CENPE: variants seen among roughly 807,000 people sequenced by gnomAD.
CENPE encodes centromere-associated protein E.
A neutral mutation model predicts 336.1 loss-of-function variants in CENPE; 145 were observed. The ratio of observed to expected loss-of-function variants is 0.43; its 90% confidence interval spans 0.38 to 0.50. CENPE has a LOEUF of 0.50. Among genes scored for constraint, CENPE ranks in the 20% least tolerant of loss-of-function variants. The pLI is 0.00. For synonymous variants in CENPE, 1,013 were observed against 984.8 expected (o/e 1.03, Z -0.54); for missense variants, 2,719 against 3,023.3 (o/e 0.90, Z 2.36).
rs759523833 is a variant in CENPE at position 103,122,874 on chromosome 4, T to C, written c.7140A>G (p.Thr2380=). Residue 2380 remains threonine, a synonymous_variant, in exon 43 of 49, where the codon ACA becomes ACG. Coordinates refer to ENST00000265148, the MANE Select transcript of CENPE (RefSeq NM_001813.3). ...CATTTTATAAGAAATTATATACCTC[T>C]GTGGTTAACTGTGTAGCTCTTGATG... ...HVTSRATQLT[T]EKIRELENSL... is the part of the protein sequence containing the mutation. The C allele has an allele frequency of 1.2e-6, 2 of 1,606,776 alleles. No homozygotes were observed. The highest frequency in any genetic ancestry group is 2.2e-5 in the South Asian group (2 of 90,826).
At chr4:103,123,211 T>C (rs1456002636) in intron 42 of CENPE, 122 bp from the exon 43 acceptor site, 2 of 704,048 alleles carry the variant, frequency 2.8e-6, no homozygotes, top group East Asian at 5.2e-5. Flanking sequence ...AAATATTAAA[T>C]GGGAAATTCC....
chr4:103,134,038 C>T, intron 40 of CENPE, 146 bp from the exon 41 acceptor site: 1 of 648,048 alleles, frequency 1.5e-6, no homozygotes, highest in South Asian at 1.8e-5. Flanking sequence ...GAGCTTCTCT[C>T]TATCCCCAGT....
At chr4:103,185,058 A>G (rs1250880967) in intron 9 of CENPE, among the ~76,000 whole-genome samples, 1 of 152,148 alleles carries the variant, frequency 6.6e-6, no homozygotes, top group East Asian at 1.9e-4. Flanking sequence ...TAATCCCAGA[A>G]CTTTGGGAGG....
chr4:103,134,404 G>A (rs1220670939), intron 40 of CENPE, among the ~76,000 whole-genome samples: 2 of 152,114 alleles, frequency 1.3e-5, no homozygotes, highest in South Asian at 2.1e-4. Flanking sequence ...GGAGGCTGAC[G>A]TGGGCAGATC....
intron 35 of CENPE, among the ~76,000 whole-genome samples, chr4:103,141,328 A>T (rs1752540829): frequency 6.6e-6 from 1 of 152,202 alleles, no homozygotes. Flanking sequence ...CTATGAAACT[A>T]CAACCCAGAT....
chr4:103,196,845 T>C lies in CENPE; in HGVS notation c.62A>G (p.Glu21Gly). The C allele has an allele frequency of 6.5e-7, 1 of 1,529,522 alleles. No homozygotes were observed. The highest frequency in any genetic ancestry group is 9.0e-7 in the Non-Finnish European group (1 of 1,105,774). 94.7% of individuals were successfully genotyped at this position (1,529,522 alleles called of 1,614,324 possible). A position where few individuals can be genotyped will look rare whatever the true frequency, so the allele number is the denominator to read the frequency against. The change falls in exon 2 of 49, where the codon GAA becomes GGA. Residue 21 changes from glutamate (E) to glycine (G), a missense_variant. Glu to Gly is a moderately conservative substitution (Grantham distance 98). This residue lies in a region of CENPE where 48 missense variants were observed against 50.8 expected (regional missense o/e 0.94). Transcript: ENST00000265148. ...VRVRPLNSRE[E>G]SLGETAQVYW... ...AACTTGGGCAGTTTCTCCAAGTGAT[T>C]CTTCTCTAAAAGAATAAAAACACCG...
chr4:103,179,695 A>G (rs867521863), intron 13 of CENPE, among the ~76,000 whole-genome samples: 2 of 152,342 alleles, frequency 1.3e-5, no homozygotes, highest in South Asian at 2.1e-4. Flanking sequence ...TGCTACTTCC[A>G]CAGGAAAAAG....
chr4:103,140,353 G>A lies in CENPE; in HGVS notation c.5816C>T (p.Thr1939Ile). ...AATTTTTTCTCTAAGTTTATCAACA[G>A]TTTCTTTGTGTTCTTTTGATAGCAT... is the stretch of plus-strand genomic sequence containing the variant. Reference protein sequence around the residue: ...ARMLSKEHKETVDKLREKISE... With the variant: ...ARMLSKEHKEIVDKLREKISE... Residue 1939 changes from threonine (T) to isoleucine (I), a missense_variant, in exon 37 of 49, where the codon ACT becomes ATT. By Grantham distance (89) the Thr-to-Ile change is moderately conservative (BLOSUM62 -1). Around this residue, in one of 5 missense-constraint regions of CENPE, gnomAD observed 2,437 missense variants for 2,513.3 expected, o/e 0.97. Transcript: ENST00000265148. 1 of 1,605,610 alleles carries A rather than the reference G, an allele frequency of 6.2e-7. No individual in the cohort carries two copies. The highest frequency in any genetic ancestry group is 8.5e-7 in the Non-Finnish European group (1 of 1,175,408).
intron 17 of CENPE, 81 bp downstream of exon 17, chr4:103,163,398 T>C (rs768377947): frequency 3.2e-6 from 4 of 1,267,048 alleles, no homozygotes; most frequent in Non-Finnish European, 4.5e-6. Flanking sequence ...CCCTTATTTC[T>C]GACATCATGT....
Position 103,140,815 on chromosome 4 carries a change from C to G in CENPE, c.5753G>C (p.Arg1918Thr). The part of the protein sequence containing the change: ...LKESLQETKA[R>T]DLEIQQELKT... ...GGGTAAAGAGAGAACACAACTCACT[C>G]TAGCTTTGGTTTCTTGCAGGCTTTC... The change falls in exon 36 of 49, where the codon AGA becomes ACA. Residue 1918 changes from arginine to threonine, a missense_variant and splice_region_variant. By Grantham distance (71) the Arg-to-Thr change is moderately conservative (BLOSUM62 -1). This residue lies in a region of CENPE where 2,437 missense variants were observed against 2,513.3 expected (regional missense o/e 0.97). Coordinates refer to ENST00000265148, the MANE Select transcript of CENPE (RefSeq NM_001813.3). 1 of 1,580,066 alleles carries G rather than the reference C, an allele frequency of 6.3e-7. No homozygotes were observed. Among genetic ancestry groups the G allele is most frequent in the Non-Finnish European group, 8.6e-7 (1 of 1,168,732 alleles).
Position 103,192,606 on chromosome 4 carries a change from A to AAGTGG in CENPE, c.693+1618_693+1622dup, listed in dbSNP as rs571370557. Among the ~76,000 whole-genome samples the AAGTGG allele has an allele frequency of 2.3e-3, 344 of 152,332 alleles. 1 individual carries two copies. The highest frequency in any genetic ancestry group is 3.7e-3 in the Non-Finnish European group (251 of 68,026). ...AGGTAGGATCAGTAAGAAATGGGAC[A>AAGTGG]AGTGGACAAAGAGAAAGGCAGAAAA... On this transcript the variant is annotated intron_variant, in intron 8 of 48. Coordinates refer to ENST00000265148, the MANE Select transcript of CENPE (RefSeq NM_001813.3).
rs752136849 is a variant in CENPE, at chr4:103,145,599, T to C, written c.4496A>G (p.Asn1499Ser). 24 of 1,611,152 alleles carry C rather than the reference T, an allele frequency of 1.5e-5. No individual in the cohort carries two copies. Among genetic ancestry groups the C allele is most frequent in the Admixed American group, 6.7e-5 (4 of 59,690 alleles). Reference sequence around the variant, plus strand: ...TATTTCAGTTTCCTTCTCTGAAAGATTCACTCTTAACTCATTAATAGTTTC... The same window carrying C: ...TATTTCAGTTTCCTTCTCTGAAAGACTCACTCTTAACTCATTAATAGTTTC... ...QEETINELRV[N>S]LSEKETEIST... The change falls in exon 31 of 49, where the codon AAT becomes AGT. Residue 1499 changes from asparagine to serine, a missense_variant. Physicochemically the swap from Asn to Ser is conservative, Grantham distance 46. Around this residue, in one of 5 missense-constraint regions of CENPE, gnomAD observed 2,437 missense variants for 2,513.3 expected, o/e 0.97. Transcript: ENST00000265148.
At chr4:103,130,911 G>GAA (rs59305096) in intron 42 of CENPE, among the ~76,000 whole-genome samples, 17,983 of 106,312 alleles carry the variant, frequency 0.17, 1,610 homozygotes, top group Non-Finnish European at 0.23. Flanking sequence ...TTCTACAAGC[G>GAA]AAAAAAAAAA....
chr4:103,155,679 C>T (rs1192933960), intron 24 of CENPE, among the ~76,000 whole-genome samples: 1 of 151,542 alleles, frequency 6.6e-6, no homozygotes, highest in African/African-American at 2.4e-5. Context: ...AAGCTGAGAA[C>T]ATAAGATACA....
At position 103,144,473 on chromosome 4, in the gene CENPE, A is replaced by T; in HGVS notation, c.5003T>A (p.Ile1668Lys). 6.2e-7 allele frequency: 1 copy of T among 1,614,076 alleles called. No individual in the cohort carries two copies. The highest frequency in any genetic ancestry group is 8.5e-7 in the Non-Finnish European group (1 of 1,180,018). Reference protein sequence around the residue: ...LNLENIETENIRLTQILHENL... With the variant: ...LNLENIETENKRLTQILHENL... ...TTCATGTAGTATCTGAGTCAACCTT[A>T]TATTCTCCGTTTCTATGTTTTCCAG... Residue 1668 changes from isoleucine to lysine, a missense_variant, in exon 33 of 49, where the codon ATA becomes AAA. Coordinates refer to ENST00000265148, the MANE Select transcript of CENPE (RefSeq NM_001813.3).
At chr4:103,128,414 A>G (rs1224789120) in intron 42 of CENPE, among the ~76,000 whole-genome samples, 1 of 152,186 alleles carries the variant, frequency 6.6e-6, no homozygotes, top group Non-Finnish European at 1.5e-5. Flanking sequence ...CCATCTATCA[A>G]CTGGATGCAA....
intron 44 of CENPE, among the ~76,000 whole-genome samples, chr4:103,119,111 C>T (rs1750389482): frequency 6.6e-6 from 1 of 152,116 alleles, no homozygotes; most frequent in Non-Finnish European, 1.5e-5. Flanking sequence ...CATGTACCCC[C>T]TTGTCTGGCT....
chr4:103,198,239 C>G, intron 1 of CENPE, 25 bp downstream of exon 1: 8 of 1,548,414 alleles, frequency 5.2e-6, no homozygotes, highest in Non-Finnish European at 7.0e-6. Flanking sequence ...CCAGCGGGCA[C>G]CGGGCCGTGG....
At chr4:103,167,695 T>C (rs995383853) in intron 16 of CENPE, among the ~76,000 whole-genome samples, 7 of 152,160 alleles carry the variant, frequency 4.6e-5, no homozygotes, top group African/African-American at 1.7e-4. Context: ...GACCTGGAAG[T>C]GTTGTTTTTG....
Sources: gnomAD v4.1 joint callset for allele counts (sites outside exome capture counted in the v4.1 genomes callset) on GRCh38, gnomAD v4.1.1 for gene constraint, gnomAD v4.1.1 regional missense constraint, MANE v1.5 for transcripts, NCBI Gene and HGNC (gene_info 2026-07-23, HGNC 2026-07-21) for gene names.